The following NTM variants were observed in gnomAD, a reference collection of about 807,000 sequenced individuals.
NTM encodes neurotrimin.
Under a neutral mutation model 42.1 loss-of-function variants are expected in NTM, and 13 were observed. The observed-to-expected ratio is 0.31, with a 90% CI of 0.20 to 0.49. The LOEUF (loss-of-function observed/expected upper bound fraction) is 0.49. Among genes scored for constraint, NTM ranks in the 20% least tolerant of loss-of-function variants. The pLI, the probability that NTM is intolerant of heterozygous loss-of-function variation, is 0.99. For synonymous variants in NTM, 187 were observed against 179.2 expected (o/e 1.04, Z -0.35); for missense variants, 373 against 452.8 (o/e 0.82, Z 1.60).
intron 1 of NTM, among the ~76,000 whole-genome samples, chr11:131,388,410 C>A (rs1344634854): frequency 1.4e-5 from 2 of 145,832 alleles, no homozygotes; most frequent in Admixed American, 6.8e-5. Flanking sequence ...TACTAAAAGA[C>A]ATTTGGGTTT....
At chr11:131,540,154 GTTTTTTTTT>G (rs57022166) in intron 1 of NTM, among the ~76,000 whole-genome samples, 77 of 86,704 alleles carry the variant, frequency 8.9e-4, no homozygotes, top group African/African-American at 3.1e-3. Flanking sequence ...ATTTAAGCTT[GTTTTTTTTT>G]TTTTTTTTTT....
At chr11:132,103,362 T>C (rs1383129065) in intron 2 of NTM, among the ~76,000 whole-genome samples, 1 of 152,252 alleles carries the variant, frequency 6.6e-6, no homozygotes, top group Non-Finnish European at 1.5e-5. Context: ...TGCGCTGGCA[T>C]TTCTAATCTC....
intron 2 of NTM, chr11:131,980,957 A>G (rs1338814443): frequency 2.0e-5 from 3 of 152,210 alleles, no homozygotes; most frequent in Admixed American, 2.0e-4. Flanking sequence ...TCCACCTGTC[A>G]TTACTTCAAG....
chr11:131,683,879 C>T (rs1458938154), intron 1 of NTM, among the ~76,000 whole-genome samples: 4 of 152,116 alleles, frequency 2.6e-5, no homozygotes, highest in South Asian at 2.1e-4. Flanking sequence ...AGCCCTGGTG[C>T]GTGTTGCTTT....
chr11:131,530,260 T>C (rs2051063322), intron 1 of NTM, among the ~76,000 whole-genome samples: 2 of 152,166 alleles, frequency 1.3e-5, no homozygotes, highest in Admixed American at 6.5e-5. Context: ...AAAGAAATTC[T>C]AGGAAGGTTT....
intron 1 of NTM, among the ~76,000 whole-genome samples, chr11:131,871,209 T>C (rs1301973631): frequency 6.6e-6 from 1 of 152,186 alleles, no homozygotes; most frequent in Admixed American, 6.5e-5. Context: ...TCCCTCTGAG[T>C]CTTGGCAGCT....
intron 2 of NTM, chr11:131,981,571 T>A (rs1186634611): frequency 6.6e-6 from 1 of 152,204 alleles, no homozygotes; most frequent in Non-Finnish European, 1.5e-5. Flanking sequence ...CTGTAGTGTG[T>A]CTGTGGCAAG....
chr11:131,879,328 G>A (rs181856325), intron 1 of NTM, among the ~76,000 whole-genome samples: 70 of 152,212 alleles, frequency 4.6e-4, no homozygotes, highest in African/African-American at 1.6e-3. Context: ...CACCCGTCCC[G>A]CAGTGATGTT....
chr11:131,537,263 T>C lies in NTM; in HGVS notation c.82+166375T>C, dbSNP rs144409029. 2.6e-5 allele frequency: 4 copies of C among 151,554 alleles called. No individual in the cohort carries two copies. In the East Asian group the frequency reaches 7.8e-4, roughly 29 times the overall value. 9.4% of individuals were successfully genotyped at this position (151,554 alleles called of 1,614,324 possible). On this transcript the variant is annotated intron_variant, in intron 1 of 8. Coordinates refer to ENST00000683400, the MANE Select transcript of NTM (RefSeq NM_001352005.2). ...AAAAACAAAAAGGAAATGAGTGAAT[T>C]TGAGGCCCCATCTTGACAACCCCTG...
intron 1 of NTM, among the ~76,000 whole-genome samples, chr11:131,835,072 C>T (rs2043314369): frequency 6.6e-6 from 1 of 152,086 alleles, no homozygotes; most frequent in Admixed American, 6.5e-5. Context: ...ACATCCCTGT[C>T]CTCATGGGGC....
intron 4 of NTM, among the ~76,000 whole-genome samples, chr11:132,251,564 G>T (rs992561808): frequency 6.6e-6 from 1 of 152,160 alleles, no homozygotes; most frequent in African/African-American, 2.4e-5. Context: ...TGAGGAAAGG[G>T]CAAGGCATGT....
At chr11:132,039,071 A>G (rs1157662856) in intron 2 of NTM, among the ~76,000 whole-genome samples, 1 of 152,180 alleles carries the variant, frequency 6.6e-6, no homozygotes, top group African/African-American at 2.4e-5. Flanking sequence ...TGTTTGTGCC[A>G]GGTAATCCCT....
chr11:131,879,948 A>G (rs946399023), intron 1 of NTM, among the ~76,000 whole-genome samples: 1 of 152,162 alleles, frequency 6.6e-6, no homozygotes, highest in East Asian at 1.9e-4. Flanking sequence ...AGTGTTTGCA[A>G]TTGTTGGTTT....
chr11:131,523,968 T>C (rs1259395779), intron 1 of NTM, among the ~76,000 whole-genome samples: 1 of 151,188 alleles, frequency 6.6e-6, no homozygotes, highest in Non-Finnish European at 1.5e-5. Context: ...GGGGACAAGG[T>C]TGAGAACACT....
chr11:131,722,576 C>T (rs909255715), intron 1 of NTM, among the ~76,000 whole-genome samples: 19 of 152,178 alleles, frequency 1.2e-4, no homozygotes, highest in Admixed American at 2.0e-4. Context: ...AGAGTAAGTA[C>T]GCTGTTAGGG....
At chr11:131,651,240 T>C (rs898901975) in intron 1 of NTM, among the ~76,000 whole-genome samples, 2 of 152,262 alleles carry the variant, frequency 1.3e-5, no homozygotes, top group African/African-American at 4.8e-5. Flanking sequence ...CCTCAGTAAA[T>C]GTTTTTAATA....
intron 2 of NTM, among the ~76,000 whole-genome samples, chr11:132,049,033 A>C (rs2078459262): frequency 6.6e-6 from 1 of 152,046 alleles, no homozygotes. Flanking sequence ...GCCCAGAAAA[A>C]GGGAATTTCG....
At chr11:132,297,619 C>T (rs1158701024) in intron 4 of NTM, among the ~76,000 whole-genome samples, 1 of 152,224 alleles carries the variant, frequency 6.6e-6, no homozygotes, top group African/African-American at 2.4e-5. Flanking sequence ...TCCCATCCTC[C>T]ACAAAATATT....
chr11:131,860,758 C>G (rs2046550294), intron 1 of NTM, among the ~76,000 whole-genome samples: 1 of 152,206 alleles, frequency 6.6e-6, no homozygotes, highest in Non-Finnish European at 1.5e-5. Flanking sequence ...CCCCTGAATT[C>G]TTAGCTACAT....
Sources: gnomAD v4.1 joint callset for allele counts (sites outside exome capture counted in the v4.1 genomes callset) on GRCh38, gnomAD v4.1.1 for gene constraint, MANE v1.5 for transcripts, NCBI Gene and HGNC (gene_info 2026-07-23, HGNC 2026-07-21) for gene names.